NALCN: variants seen among roughly 807,000 people sequenced by gnomAD.
NALCN encodes the protein sodium leak channel, non-selective, also known as sodium leak channel NALCN.
In NALCN, 111 loss-of-function variants were observed where a neutral mutation model predicts 225.3. That is an observed-to-expected ratio of 0.49 (90% CI 0.42 to 0.58). NALCN has a LOEUF of 0.58. Among genes scored for constraint, NALCN ranks in the 20% least tolerant of loss-of-function variants. NALCN has a pLI of 0.00. For missense variants in NALCN, 1,378 were observed against 2,202.4 expected, an observed-to-expected ratio of 0.63 and a Z score of 7.49; for synonymous variants, 764 against 769.0, an observed-to-expected ratio of 0.99 and a Z score of 0.11.
At chr13:101,162,385 T>A (rs1374078311) in intron 15 of NALCN, among the ~76,000 whole-genome samples, 1 of 152,134 alleles carries the variant, frequency 6.6e-6, no homozygotes, top group Non-Finnish European at 1.5e-5. Context: ...TGAGGATGCT[T>A]CCAGAAGAAC....
At chr13:101,370,375 A>G (rs941442666) in intron 6 of NALCN, among the ~76,000 whole-genome samples, 1 of 152,228 alleles carries the variant, frequency 6.6e-6, no homozygotes, top group African/African-American at 2.4e-5. Flanking sequence ...GAAAGCAGTA[A>G]ATGAGTAGGA....
At chr13:101,107,075 C>CA (rs938662223) in intron 22 of NALCN, among the ~76,000 whole-genome samples, 2 of 152,046 alleles carry the variant, frequency 1.3e-5, no homozygotes, top group African/African-American at 2.4e-5. Flanking sequence ...CGTTATTCTC[C>CA]AAAAAACAAA....
intron 6 of NALCN, among the ~76,000 whole-genome samples, chr13:101,362,251 T>C (rs1342908521): frequency 6.6e-6 from 1 of 152,044 alleles, no homozygotes; most frequent in African/African-American, 2.4e-5. Flanking sequence ...TTATAAACAG[T>C]TTATACATAT....
chr13:101,267,665 C>A (rs2042641830), intron 10 of NALCN, among the ~76,000 whole-genome samples: 1 of 152,318 alleles, frequency 6.6e-6, no homozygotes, highest in East Asian at 1.9e-4. Context: ...ATGGGCCCTG[C>A]CATTCTCTTC....
intron 11 of NALCN, among the ~76,000 whole-genome samples, chr13:101,246,165 G>GA (rs2041889423): frequency 6.6e-6 from 1 of 152,118 alleles, no homozygotes; most frequent in African/African-American, 2.4e-5. Context: ...TGGACAACTT[G>GA]CAGTCGAGAC....
chr13:101,297,203 C>T (rs17678991), intron 7 of NALCN, among the ~76,000 whole-genome samples: 11,893 of 152,198 alleles, frequency 0.078, 593 homozygotes, highest in East Asian at 0.12. Flanking sequence ...ACTAGCAACA[C>T]ACTACAAACC....
intron 22 of NALCN, among the ~76,000 whole-genome samples, chr13:101,107,129 A>T (rs901587384): frequency 6.6e-6 from 1 of 152,240 alleles, no homozygotes; most frequent in African/African-American, 2.4e-5. Flanking sequence ...CTCATGGAAG[A>T]CATGGACAAT....
At chr13:101,349,537 T>C (rs1350861424) in intron 6 of NALCN, among the ~76,000 whole-genome samples, 2 of 152,158 alleles carry the variant, frequency 1.3e-5, no homozygotes, top group African/African-American at 4.8e-5. Flanking sequence ...ACAGTGATCA[T>C]GGCTGTGGTT....
intron 13 of NALCN, among the ~76,000 whole-genome samples, chr13:101,226,400 C>G (rs1194074691): frequency 1.3e-5 from 2 of 152,176 alleles, no homozygotes; most frequent in African/African-American, 2.4e-5. Flanking sequence ...TGGCCAGAAG[C>G]CCCTCTAAAG....
intron 16 of NALCN, among the ~76,000 whole-genome samples, chr13:101,144,490 A>T (rs2037247957): frequency 6.6e-6 from 1 of 152,242 alleles, no homozygotes; most frequent in Admixed American, 6.5e-5. Flanking sequence ...ATTCCCGAGG[A>T]GTCATCCCAG....
intron 6 of NALCN, among the ~76,000 whole-genome samples, chr13:101,358,944 A>G (rs1177663303): frequency 6.6e-6 from 1 of 152,186 alleles, no homozygotes; most frequent in Non-Finnish European, 1.5e-5. Context: ...GTAACACAGG[A>G]TCAGAAAACC....
chr13:101,080,725 T>C (rs2033590872), intron 34 of NALCN, among the ~76,000 whole-genome samples: 1 of 145,502 alleles, frequency 6.9e-6, no homozygotes, highest in South Asian at 2.1e-4. Context: ...TAATACATAT[T>C]TTAAATAATA....
Position 101,258,087 on chromosome 13 carries a change from T to A in NALCN, c.1266+356A>T, listed in dbSNP as rs112511372. 4.8e-4 allele frequency among the ~76,000 whole-genome samples: 73 copies of A among 152,262 alleles called. 2 individuals are homozygous for A. The highest frequency in any genetic ancestry group is 1.7e-3 in the African/African-American group (70 of 41,548). ...GCTGAGCTGACCAGCTTATTTATGATCTTCTGAATCTGTGCCTGCTTGTAC... is the reference window on the plus strand; with the variant it reads ...GCTGAGCTGACCAGCTTATTTATGAACTTCTGAATCTGTGCCTGCTTGTAC... On this transcript the variant is annotated intron_variant, in intron 11 of 43. Coordinates refer to ENST00000251127, the MANE Select transcript of NALCN (RefSeq NM_052867.4).
intron 3 of NALCN, among the ~76,000 whole-genome samples, chr13:101,389,665 T>C (rs148591974): frequency 1.3e-5 from 2 of 152,288 alleles, no homozygotes; most frequent in Non-Finnish European, 2.9e-5. Context: ...ACTGACAATA[T>C]GCAGAGGCTA....
chr13:101,173,694 A>C (rs779570977), intron 15 of NALCN, among the ~76,000 whole-genome samples: 12 of 152,166 alleles, frequency 7.9e-5, no homozygotes, highest in Non-Finnish European at 1.6e-4. Context: ...CGCTTTCTGA[A>C]ACTTGAAACA....
intron 13 of NALCN, among the ~76,000 whole-genome samples, chr13:101,216,227 A>G (rs2040724885): frequency 6.6e-6 from 1 of 152,164 alleles, no homozygotes; most frequent in Admixed American, 6.6e-5. Flanking sequence ...TAACTCTCAT[A>G]AACATAATAT....
chr13:101,146,799 C>A (rs376764199), intron 15 of NALCN, among the ~76,000 whole-genome samples: 1 of 152,274 alleles, frequency 6.6e-6, no homozygotes, highest in African/African-American at 2.4e-5. Context: ...TCACTGCACT[C>A]GCCCTCACGG....
intron 43 of NALCN, 52 bp downstream of exon 43, chr13:101,057,887 T>G: frequency 7.1e-7 from 1 of 1,409,080 alleles, no homozygotes; most frequent in East Asian, 2.3e-5. Context: ...ACAAACAGAG[T>G]AAATACCTTT....
At chr13:101,080,761 A>T (rs887713494) in intron 34 of NALCN, among the ~76,000 whole-genome samples, 2 of 125,976 alleles carry the variant, frequency 1.6e-5, no homozygotes, top group South Asian at 2.7e-4. Context: ...TTAAATAATT[A>T]ATTATTATTT....
Sources: gnomAD v4.1 joint callset for allele counts (sites outside exome capture counted in the v4.1 genomes callset) on GRCh38, gnomAD v4.1.1 for gene constraint, MANE v1.5 for transcripts, NCBI Gene and HGNC (gene_info 2026-07-23, HGNC 2026-07-21) for gene names.